Variants in GON4L observed in about 807,000 individuals in gnomAD.
The protein encoded by GON4L is gon-4 like.
A neutral mutation model predicts 211.8 loss-of-function variants in GON4L; 87 were observed. That is an observed-to-expected ratio of 0.41 (90% CI 0.35 to 0.49). The LOEUF (loss-of-function observed/expected upper bound fraction) is 0.49, where lower values mean the gene tolerates loss of function less well. Ranked by LOEUF, GON4L falls within the 20% of genes least tolerant of loss-of-function variation. The pLI is 0.15. For synonymous variants in GON4L, 875 were observed against 962.6 expected, an observed-to-expected ratio of 0.91 and a Z score of 1.68; for missense variants, 2,155 against 2,659.5, an observed-to-expected ratio of 0.81 and a Z score of 4.17.
intron 13 of GON4L, 163 bp downstream of exon 13, chr1:155,785,171 A>G (rs1192796805): frequency 2.1e-5 from 15 of 725,922 alleles, no homozygotes; most frequent in South Asian, 4.3e-5. Context: ...TCTAGTAGTT[A>G]GCAAAATTCC....
At chr1:155,760,868 T>G (rs530986121) in intron 23 of GON4L, among the ~76,000 whole-genome samples, 1 of 152,320 alleles carries the variant, frequency 6.6e-6, no homozygotes, top group South Asian at 2.1e-4. Context: ...ATCTTCCACG[T>G]TCCACAGTTC....
chr1:155,806,922 A>T (rs1008175076), intron 10 of GON4L, among the ~76,000 whole-genome samples: 2 of 152,044 alleles, frequency 1.3e-5, no homozygotes, highest in African/African-American at 2.4e-5. Context: ...TAACACAGTG[A>T]GACCTCATCT....
chr1:155,798,576 A>ATTTTTTT (rs34273258), intron 11 of GON4L, among the ~76,000 whole-genome samples: 1 of 89,536 alleles, frequency 1.1e-5, no homozygotes, highest in Non-Finnish European at 2.0e-5. Flanking sequence ...CGTCAGGCTA[A>ATTTTTTT]TTTTTTTTTT....
chr1:155,828,594 G>C (rs1669440759), intron 2 of GON4L, among the ~76,000 whole-genome samples: 4 of 151,338 alleles, frequency 2.6e-5, no homozygotes, highest in African/African-American at 9.7e-5. Context: ...ATCACTTGAG[G>C]TCAGGAGTTT....
chr1:155,791,942 CAT>C (rs1665635666), intron 12 of GON4L, among the ~76,000 whole-genome samples: 1 of 131,510 alleles, frequency 7.6e-6, no homozygotes, highest in African/African-American at 2.8e-5. Context: ...CATAACATAA[CAT>C]AAAGACAAAT....
At chr1:155,852,665 C>A (rs554630771) in intron 2 of GON4L, among the ~76,000 whole-genome samples, 1 of 152,044 alleles carries the variant, frequency 6.6e-6, no homozygotes, top group African/African-American at 2.4e-5. Context: ...ATGGCGTGAA[C>A]CTGGGAGGCG....
chr1:155,837,419 G>A (rs930795430), intron 2 of GON4L, among the ~76,000 whole-genome samples: 2 of 152,138 alleles, frequency 1.3e-5, no homozygotes, highest in Non-Finnish European at 2.9e-5. Flanking sequence ...TTGCTGCTAC[G>A]GGAGCCTGTT....
chr1:155,853,296 T>C lies in GON4L; in HGVS notation c.485A>G (p.Glu162Gly). Reference protein sequence around the residue: ...LKEPFSGEPSEEVKEEGGKPQ... With the variant: ...LKEPFSGEPSGEVKEEGGKPQ... Reference sequence around the variant, plus strand: ...CTTACCTCCTTCTTCCTTGACTTCTTCACTAGGCTCTCCTGAAAAAGGCTC... The same window carrying C: ...CTTACCTCCTTCTTCCTTGACTTCTCCACTAGGCTCTCCTGAAAAAGGCTC... The change falls in exon 2 of 32, where the codon GAA (glutamate) becomes GGA (glycine). Residue 162 changes from glutamate to glycine, a missense_variant. By Grantham distance (98) the Glu-to-Gly change is moderately conservative. Coordinates refer to ENST00000368331, the MANE Select transcript of GON4L (RefSeq NM_001282860.2). The C allele has an allele frequency of 6.2e-7, 1 of 1,614,030 alleles. No individual in the cohort carries two copies. The highest frequency in any genetic ancestry group is 8.5e-7 in the Non-Finnish European group (1 of 1,179,862).
intron 2 of GON4L, among the ~76,000 whole-genome samples, chr1:155,849,502 C>T (rs1355696792): frequency 6.7e-6 from 1 of 148,978 alleles, no homozygotes; most frequent in Admixed American, 6.7e-5. Context: ...CGAGATTGTG[C>T]CACTGCACTC....
chr1:155,764,915 TGCA>T (rs1198697476), intron 21 of GON4L, 82 bp downstream of exon 21: 2 of 1,610,536 alleles, frequency 1.2e-6, no homozygotes, highest in Admixed American at 3.3e-5. Flanking sequence ...CTATCCATAG[TGCA>T]GCAAGCAAGC....
intron 2 of GON4L, among the ~76,000 whole-genome samples, chr1:155,852,781 C>T (rs969034821): frequency 3.3e-5 from 5 of 151,750 alleles, no homozygotes; most frequent in Non-Finnish European, 7.4e-5. Flanking sequence ...GTGGATATAG[C>T]GAATGGGAGG....
chr1:155,758,832 T>C lies in GON4L; in HGVS notation c.5110-798A>G, dbSNP rs532402310. 9.2e-5 allele frequency among the ~76,000 whole-genome samples: 14 copies of C among 152,068 alleles called. 1 individual carries two copies. Among genetic ancestry groups the C allele is most frequent in the Non-Finnish European group, 1.9e-4 (13 of 67,998 alleles). The stretch of plus-strand genomic sequence containing the variant: ...AGGCAGAGGTTGCAGTAAGCAGAGA[T>C]CACACCACTGCACTCCAGCCTGGGT... On this transcript the variant is annotated intron_variant, in intron 24 of 31. Transcript: ENST00000368331.
At chr1:155,777,509 G>T in intron 15 of GON4L, 113 bp downstream of exon 15, 1 of 831,062 alleles carries the variant, frequency 1.2e-6, no homozygotes, top group South Asian at 1.4e-5. Context: ...AGCCCAGAAA[G>T]CAGAGGTTGA....
intron 6 of GON4L, among the ~76,000 whole-genome samples, chr1:155,817,101 T>G (rs1009919349): frequency 6.6e-6 from 1 of 152,090 alleles, no homozygotes; most frequent in Non-Finnish European, 1.5e-5. Context: ...GCGATCCTCC[T>G]GCCTCAGCCT....
At chr1:155,845,341 A>C (rs1332532353) in intron 2 of GON4L, 1 of 203,936 alleles carries the variant, frequency 4.9e-6, no homozygotes, top group Non-Finnish European at 1.0e-5. Flanking sequence ...AGTGGGTCAC[A>C]GGGAGCCAGG....
intron 2 of GON4L, among the ~76,000 whole-genome samples, chr1:155,834,840 C>A (rs900446046): frequency 6.6e-6 from 1 of 151,930 alleles, no homozygotes; most frequent in Non-Finnish European, 1.5e-5. Flanking sequence ...CTCTGCCCAG[C>A]TGCCCCTACT....
rs893455247 is a variant in GON4L at position 155,787,006 on chromosome 1, C to T, written c.1748-1632G>A. Among the ~76,000 whole-genome samples, 6 of 150,574 alleles carry T rather than the reference C, an allele frequency of 4.0e-5. No homozygotes were observed. In the East Asian group the frequency reaches 1.2e-3, roughly 29 times the overall value. ...GCGCGATCTCAGCTCACTGCAAGCT[C>T]CATCTCCCAGGTTCACGCCATTCTC... On this transcript the variant is annotated intron_variant, in intron 12 of 31. Transcript: ENST00000368331.
In GON4L at chr1:155,762,309, G is replaced by A. The variant is rs779517647; in HGVS notation, c.4792C>T (p.Arg1598Trp). The A allele has an allele frequency of 8.1e-6, 13 of 1,612,762 alleles. No individual in the cohort carries two copies. Among genetic ancestry groups the A allele is most frequent in the East Asian group, 2.2e-5 (1 of 44,836 alleles). The change falls in exon 23 of 32, where the codon CGG (arginine) becomes TGG (tryptophan). Residue 1598 changes from arginine to tryptophan, a missense_variant. By Grantham distance (101) the Arg-to-Trp change is moderately radical. Coordinates refer to ENST00000368331, the MANE Select transcript of GON4L (RefSeq NM_001282860.2). ...GAGGTGTCCTTGCTGGCCCGAGCCC[G>A]ACTTCCCCGCTTGTTGCGAGCTCGA... The part of the protein sequence containing the change: ...NHRARNKRGS[R>W]ARASKDTSKL...
At chr1:155,802,686 T>C (rs1666790903) in intron 11 of GON4L, among the ~76,000 whole-genome samples, 1 of 152,230 alleles carries the variant, frequency 6.6e-6, no homozygotes, top group Non-Finnish European at 1.5e-5. Context: ...CTGAGCGCGA[T>C]GGCTCACTCC....
Sources: allele counts gnomAD v4.1 joint callset (sites outside exome capture counted in the v4.1 genomes callset), GRCh38; gene constraint gnomAD v4.1.1; transcripts MANE v1.5; gene names NCBI Gene and HGNC (gene_info 2026-07-23, HGNC 2026-07-21).